HSF2BP: variants seen among roughly 807,000 people sequenced by gnomAD.
HSF2BP encodes the protein heat shock transcription factor 2 binding protein, also known as heat shock factor 2-binding protein.
A neutral mutation model predicts 35.0 loss-of-function variants in HSF2BP; 35 were observed. The observed-to-expected ratio is 1.00, with a 90% CI of 0.76 to 1.32. HSF2BP has a LOEUF of 1.32. Ranked by LOEUF, HSF2BP falls within the 40% of genes most tolerant of loss-of-function variation. HSF2BP has a pLI of 0.00. For missense variants in HSF2BP, 326 were observed against 321.7 expected (o/e 1.01, Z -0.10); for synonymous variants, 114 against 117.4 (o/e 0.97, Z 0.18).
At chr21:43,577,637 GC>G (rs1166751623) in intron 8 of HSF2BP, among the ~76,000 whole-genome samples, 13 of 152,142 alleles carry the variant, frequency 8.5e-5, no homozygotes, top group Admixed American at 8.5e-4. Flanking sequence ...CAGGTCATGT[GC>G]CCACCTCTGG....
intron 7 of HSF2BP, among the ~76,000 whole-genome samples, chr21:43,606,759 C>A (rs989030704): frequency 6.6e-6 from 1 of 152,070 alleles, no homozygotes; most frequent in African/African-American, 2.4e-5. Context: ...AAGGGAAATG[C>A]CTGGATGGTC....
At chr21:43,620,147 A>G (rs1051978459) in intron 6 of HSF2BP, among the ~76,000 whole-genome samples, 1 of 152,226 alleles carries the variant, frequency 6.6e-6, no homozygotes, top group Admixed American at 6.5e-5. Context: ...CCAGACAGAC[A>G]AGACTGGAAT....
intron 7 of HSF2BP, among the ~76,000 whole-genome samples, chr21:43,602,223 C>T (rs993854959): frequency 2.6e-5 from 4 of 152,230 alleles, no homozygotes; most frequent in Non-Finnish European, 5.9e-5. Flanking sequence ...TTCCTCTCCA[C>T]ACTTAGTTCT....
intron 7 of HSF2BP, among the ~76,000 whole-genome samples, chr21:43,612,575 C>T (rs535905060): frequency 7.1e-5 from 10 of 141,836 alleles, no homozygotes; most frequent in Non-Finnish European, 1.2e-4. Flanking sequence ...GGTGTGAACC[C>T]GGGAGGCGGA....
In HSF2BP at chr21:43,586,635, G is replaced by T. The variant is rs138583486; in HGVS notation, c.796+5590C>A. 4.2e-3 allele frequency among the ~76,000 whole-genome samples: 639 copies of T among 152,164 alleles called. 1 individual carries two copies. Among genetic ancestry groups the T allele is most frequent in the Non-Finnish European group, 6.6e-3 (452 of 68,008 alleles). On this transcript the variant is annotated intron_variant, in intron 8 of 8. Transcript: ENST00000291560. ...CTCATTTTATACATCAGAAAAGCAGGATTCTAAAAGGTTAGGTAAGTTCAC... is the reference window on the plus strand; with the variant it reads ...CTCATTTTATACATCAGAAAAGCAGTATTCTAAAAGGTTAGGTAAGTTCAC...
chr21:43,634,120 C>A (rs1294025832), intron 4 of HSF2BP, among the ~76,000 whole-genome samples: 1 of 152,122 alleles, frequency 6.6e-6, no homozygotes, highest in East Asian at 1.9e-4. Context: ...GTGCAGCAAG[C>A]CAGTGCCAGT....
chr21:43,600,083 T>C (rs982864690), intron 7 of HSF2BP, among the ~76,000 whole-genome samples: 1 of 152,106 alleles, frequency 6.6e-6, no homozygotes, highest in African/African-American at 2.4e-5. Flanking sequence ...CACGAGTAAC[T>C]CATCTTCGAT....
chr21:43,616,042 A>G (rs1386399798), intron 6 of HSF2BP, among the ~76,000 whole-genome samples: 1 of 61,380 alleles, frequency 1.6e-5, no homozygotes, highest in Non-Finnish European at 3.2e-5. Flanking sequence ...ATCGCTGAAG[A>G]AAAAAAAAAA....
At chr21:43,614,682 T>C (rs564886321) in intron 6 of HSF2BP, among the ~76,000 whole-genome samples, 1 of 152,322 alleles carries the variant, frequency 6.6e-6, no homozygotes, top group African/African-American at 2.4e-5. Context: ...TAAAAATTTT[T>C]GAGCACTGAC....
intron 7 of HSF2BP, among the ~76,000 whole-genome samples, chr21:43,610,215 G>A (rs912777855): frequency 2.0e-5 from 3 of 152,140 alleles, no homozygotes; most frequent in African/African-American, 2.4e-5. Context: ...AACATGTGAA[G>A]AGCCTCAACC....
intron 2 of HSF2BP, 25 bp downstream of exon 2, chr21:43,658,036 C>T (rs1225027913): frequency 1.3e-6 from 2 of 1,535,526 alleles, no homozygotes; most frequent in South Asian, 2.4e-5. Flanking sequence ...AACACGCTGG[C>T]GTCGGCCAGG....
chr21:43,500,162 GCACA>G, the HSF2BP span, among the ~76,000 whole-genome samples: 1 of 18,752 alleles, frequency 5.3e-5, no homozygotes, highest in African/African-American at 3.3e-4. Flanking sequence ...CCACACACGC[GCACA>G]CACACTCTAC....
chr21:43,639,891 C>G (rs1601711989), intron 4 of HSF2BP, among the ~76,000 whole-genome samples: 1 of 152,142 alleles, frequency 6.6e-6, no homozygotes, highest in Non-Finnish European at 1.5e-5. Flanking sequence ...ACTATTCAAA[C>G]TTCTTTCAGT....
In HSF2BP at chr21:43,630,555, A is replaced by G. The variant is rs554222819; in HGVS notation, c.442-101T>C. 2.1e-5 allele frequency: 28 copies of G among 1,350,114 alleles called. No individual in the cohort carries two copies. The East Asian group carries it at 7.1e-4, about 34-fold the overall frequency. 83.6% of individuals were successfully genotyped at this position (1,350,114 alleles called of 1,614,324 possible). A position where few individuals can be genotyped will look rare whatever the true frequency, so the allele number is the denominator to read the frequency against. ...AGAAGATTCTAGTTTTAATTGTAGA[A>G]TATTGTAAAATCTATTCCCTCATTA... On this transcript the variant is annotated intron_variant, in intron 5 of 8. Transcript: ENST00000291560.
intron 8 of HSF2BP, among the ~76,000 whole-genome samples, chr21:43,583,282 A>G (rs1317053632): frequency 8.0e-5 from 3 of 37,400 alleles, no homozygotes; most frequent in Non-Finnish European, 1.5e-4. Flanking sequence ...CTGCTGAGGG[A>G]GATGAAGACC....
intron 8 of HSF2BP, among the ~76,000 whole-genome samples, chr21:43,581,037 G>A (rs575657142): frequency 2.6e-5 from 4 of 152,322 alleles, no homozygotes; most frequent in African/African-American, 9.6e-5. Flanking sequence ...TCAAAGTTGG[G>A]GGAGTGGGCA....
At chr21:43,629,456 T>C (rs1484838285) in intron 6 of HSF2BP, among the ~76,000 whole-genome samples, 4 of 152,136 alleles carry the variant, frequency 2.6e-5, no homozygotes, top group Non-Finnish European at 5.9e-5. Context: ...TCCCAGCTAC[T>C]TGGGAGGCTG....
intron 3 of HSF2BP, among the ~76,000 whole-genome samples, chr21:43,646,150 A>G (rs1216447757): frequency 2.0e-5 from 3 of 151,644 alleles, no homozygotes. Context: ...ATCTCTTAAA[A>G]AAAAAAAAAA....
chr21:43,623,183 G>A (rs1026128887), intron 6 of HSF2BP, among the ~76,000 whole-genome samples: 14 of 151,850 alleles, frequency 9.2e-5, no homozygotes, highest in Non-Finnish European at 7.4e-5. Flanking sequence ...TAAACACATG[G>A]AAATTAAACA....
Sources: gnomAD v4.1 joint callset for allele counts (sites outside exome capture counted in the v4.1 genomes callset) on GRCh38, gnomAD v4.1.1 for gene constraint, MANE v1.5 for transcripts, NCBI Gene and HGNC (gene_info 2026-07-23, HGNC 2026-07-21) for gene names.